KIF3C: variants seen among roughly 807,000 people sequenced by gnomAD.
KIF3C encodes the protein kinesin-like protein KIF3C.
Under a neutral mutation model 67.7 loss-of-function variants are expected in KIF3C, and 12 were observed. The ratio of observed to expected loss-of-function variants is 0.18; its 90% CI spans 0.11 to 0.29. KIF3C has a LOEUF of 0.29. Among genes scored for constraint, KIF3C ranks in the 10% least tolerant of loss-of-function variants. KIF3C has a pLI of 1.00. For synonymous variants in KIF3C, 393 were observed against 426.2 expected (o/e 0.92, Z 0.96); for missense variants, 789 against 1,059.6 (o/e 0.74, Z 3.55).
At position 25,945,421 on chromosome 2, in the gene KIF3C, G is replaced by A. The variant is rs183476258; in HGVS notation, c.2006+6368C>T. On this transcript the variant is annotated intron_variant, in intron 5 of 7. Coordinates refer to ENST00000264712, the MANE Select transcript of KIF3C (RefSeq NM_002254.8). ...TCCCTTTACAAAGGATAAAACTAAG[G>A]CCAGGTTCGGTGGCTCAAGCCTGTA... is the stretch of plus-strand genomic sequence containing the variant. Among the ~76,000 whole-genome samples the A allele has an allele frequency of 5.0e-3, 765 of 151,670 alleles. 4 individuals carry two copies. Among genetic ancestry groups the A allele is most frequent in the African/African-American group, 0.017 (719 of 41,330 alleles).
intron 1 of KIF3C, among the ~76,000 whole-genome samples, chr2:25,962,856 ATATAT>A (rs1357365517): frequency 1.3e-5 from 1 of 74,188 alleles, no homozygotes; most frequent in Non-Finnish European, 2.3e-5. Flanking sequence ...ATATAATATA[ATATAT>A]AATATATATA....
chr2:25,929,685 G>C (rs1170026619), intron 6 of KIF3C, among the ~76,000 whole-genome samples: 1 of 151,220 alleles, frequency 6.6e-6, no homozygotes, highest in Admixed American at 6.6e-5. Flanking sequence ...GTGCAATCTC[G>C]GCTCACTGCA....
intron 4 of KIF3C, 70 bp downstream of exon 4, chr2:25,954,197 A>C: frequency 9.2e-7 from 1 of 1,082,792 alleles, no homozygotes; most frequent in East Asian, 2.4e-5. Context: ...ATGAGGCCTT[A>C]GGGGAGGAGA....
intron 5 of KIF3C, among the ~76,000 whole-genome samples, chr2:25,945,928 T>C (rs1252394529): frequency 2.0e-5 from 3 of 151,908 alleles, no homozygotes; most frequent in Non-Finnish European, 2.9e-5. Flanking sequence ...CTAGCCAACA[T>C]GGCGAAACTC....
chr2:25,969,496 G>A (rs1254449495), intron 1 of KIF3C, among the ~76,000 whole-genome samples: 1 of 151,796 alleles, frequency 6.6e-6, no homozygotes, highest in African/African-American at 2.4e-5. Flanking sequence ...ATAAAAAAAA[G>A]TCCCAGATGA....
At chr2:25,966,103 C>T (rs1664132932) in intron 1 of KIF3C, among the ~76,000 whole-genome samples, 1 of 151,682 alleles carries the variant, frequency 6.6e-6, no homozygotes, top group African/African-American at 2.4e-5. Flanking sequence ...AGGAATCTGT[C>T]TAGATGCTCT....
At chr2:25,964,627 G>A (rs1369090934) in intron 1 of KIF3C, among the ~76,000 whole-genome samples, 6 of 151,958 alleles carry the variant, frequency 3.9e-5, no homozygotes, top group Admixed American at 2.0e-4. Flanking sequence ...CCAGCATGCC[G>A]GCTAATTTTT....
intron 1 of KIF3C, among the ~76,000 whole-genome samples, chr2:25,977,344 C>T (rs964885648): frequency 6.6e-6 from 1 of 152,078 alleles, no homozygotes; most frequent in African/African-American, 2.4e-5. Flanking sequence ...ACTTAGCTGC[C>T]CCCAGAGGGT....
intron 4 of KIF3C, among the ~76,000 whole-genome samples, chr2:25,953,652 G>A (rs550375057): frequency 6.0e-4 from 86 of 144,254 alleles, no homozygotes; most frequent in Middle Eastern, 4.5e-3. Context: ...GAGCCACTGC[G>A]CCCGGCCTTT....
intron 1 of KIF3C, among the ~76,000 whole-genome samples, chr2:25,977,915 T>G (rs1335873040): frequency 6.6e-6 from 1 of 152,090 alleles, no homozygotes; most frequent in Non-Finnish European, 1.5e-5. Flanking sequence ...CTAGGCTGAG[T>G]GTGATGAGAA....
At chr2:25,948,971 T>C (rs1314352250) in intron 5 of KIF3C, among the ~76,000 whole-genome samples, 4 of 151,634 alleles carry the variant, frequency 2.6e-5, no homozygotes, top group Admixed American at 2.6e-4. Flanking sequence ...CAAAGAGTCA[T>C]GACAATTAAA....
chr2:25,954,558 G>A (rs1052342158), intron 3 of KIF3C, among the ~76,000 whole-genome samples, 173 bp from the exon 4 acceptor site: 1 of 152,230 alleles, frequency 6.6e-6, no homozygotes, highest in Non-Finnish European at 1.5e-5. Context: ...ATTGGGCTGG[G>A]CTATTTAAAG....
Position 25,962,932 on chromosome 2 carries a change from C to CATATAATATATAATATATAATAT in KIF3C, c.1546-6511_1546-6489dup, listed in dbSNP as rs1664012487. On this transcript the variant is annotated intron_variant, in intron 1 of 7. Transcript: ENST00000264712. Reference sequence around the variant, plus strand: ...TATATAATATATATAATATATAATACATATAATATATAATATATAATATAT... The same window carrying CATATAATATATAATATATAATAT: ...TATATAATATATATAATATATAATACATATAATATATAATATATAATATATATAATATATAATATATAATATAT... Among the ~76,000 whole-genome samples the CATATAATATATAATATATAATAT allele has an allele frequency of 8.5e-4, 31 of 36,566 alleles. 6 individuals are homozygous for CATATAATATATAATATATAATAT. The highest frequency in any genetic ancestry group is 1.2e-3 in the Non-Finnish European group (27 of 21,672). 24.0% of individuals were successfully genotyped at this position (36,566 alleles called of 152,430 possible). A position where few individuals can be genotyped will look rare whatever the true frequency, so the allele number is the denominator to read the frequency against.
chr2:25,961,499 G>C (rs1451398740), intron 1 of KIF3C, among the ~76,000 whole-genome samples: 2 of 152,160 alleles, frequency 1.3e-5, no homozygotes, highest in African/African-American at 4.8e-5. Context: ...ACATTTTGGG[G>C]AAAAGGAATC....
intron 4 of KIF3C, among the ~76,000 whole-genome samples, chr2:25,952,525 ATGTGTGTGTG>A (rs35756626): frequency 2.8e-5 from 4 of 144,460 alleles, no homozygotes; most frequent in South Asian, 2.2e-4. Context: ...TTGTATATAT[ATGTGTGTGTG>A]TGTGTGTGTG....
chr2:25,928,932 C>T lies in KIF3C; in HGVS notation c.*46G>A. ...AGATGAGATGAGCCAGGGTTGGCTG[C>T]CCCATCCCAGGAGTCTATTGGATGG... is the stretch of plus-strand genomic sequence containing the variant. On this transcript the variant is annotated 3_prime_UTR_variant, in exon 8 of 8. Coordinates refer to ENST00000264712, the MANE Select transcript of KIF3C (RefSeq NM_002254.8). 6.5e-7 allele frequency: 1 copy of T among 1,528,700 alleles called. No individual in the cohort carries two copies. The highest frequency in any genetic ancestry group is 2.3e-5 in the East Asian group (1 of 44,412). The allele number at this position is 1,528,700 out of a possible 1,614,324, so 94.7% of individuals were successfully genotyped here. A position where few individuals can be genotyped will look rare whatever the true frequency, so the allele number is the denominator to read the frequency against.
In KIF3C at chr2:25,937,309, G is replaced by A. The variant is rs529367793; in HGVS notation, c.2007-7246C>T. On this transcript the variant is annotated intron_variant, in intron 5 of 7. Coordinates refer to ENST00000264712, the MANE Select transcript of KIF3C (RefSeq NM_002254.8). ...TGCCTTCTGCAGCTGGCAGTGATGG[G>A]AAATAACATTCTTGTGGTTTAGTTT... Among the ~76,000 whole-genome samples the A allele has an allele frequency of 1.3e-4, 20 of 152,346 alleles. No individual in the cohort carries two copies. In the South Asian group the frequency reaches 3.1e-3, roughly 24 times the overall value.
rs376453040 is a variant in KIF3C at position 25,981,125 on chromosome 2, C to T, written c.793G>A (p.Ala265Thr). ...CCACCGCCACCCGAGGATGGTGTGG[C>T]TGCCCCTCCCGCTGTGTTGGGGCCT... ...KAGPNTAGGA[A>T]TPSSGGGGGG... Residue 265 changes from alanine to threonine, a missense_variant, in exon 1 of 8, where the codon GCC becomes ACC. By Grantham distance (58) the Ala-to-Thr change is moderately conservative (BLOSUM62 0). Transcript: ENST00000264712. The surrounding 1 kb of genome is among the most constrained non-coding windows in gnomAD (Gnocchi z 8.2). 3 of 1,613,860 alleles carry T rather than the reference C, an allele frequency of 1.9e-6. No individual in the cohort carries two copies. The highest frequency in any genetic ancestry group is 2.7e-5 in the African/African-American group (2 of 74,936).
At chr2:25,976,585 C>A (rs994579274) in intron 1 of KIF3C, among the ~76,000 whole-genome samples, 2 of 152,048 alleles carry the variant, frequency 1.3e-5, no homozygotes, top group African/African-American at 4.8e-5. Flanking sequence ...CCTCATGAAA[C>A]CCCGTCTCTA....
Sources: allele counts gnomAD v4.1 joint callset (sites outside exome capture counted in the v4.1 genomes callset), GRCh38; gene constraint gnomAD v4.1.1; non-coding constraint Gnocchi (gnomAD v3.1); transcripts MANE v1.5; gene names NCBI Gene and HGNC (gene_info 2026-07-23, HGNC 2026-07-21).